The following FRMPD1 variants were observed in gnomAD, a reference collection of about 807,000 sequenced individuals.
FRMPD1 encodes the protein FERM and PDZ domain containing 1, also known as FERM and PDZ domain-containing protein 1.
In FRMPD1, 76 loss-of-function variants were observed where a neutral mutation model predicts 117.8. The ratio of observed to expected loss-of-function variants is 0.65; its 90% CI spans 0.54 to 0.78. FRMPD1 has a LOEUF of 0.78. Ranked by LOEUF, FRMPD1 falls within the 30% of genes least tolerant of loss-of-function variation. The pLI is 0.00. For missense variants in FRMPD1, 1,786 were observed against 1,964.5 expected, an observed-to-expected ratio of 0.91 and a Z score of 1.72; for synonymous variants, 783 against 770.4, an observed-to-expected ratio of 1.02 and a Z score of -0.27.
At chr9:37,679,065 C>T (rs1347696150) in intron 1 of FRMPD1, among the ~76,000 whole-genome samples, 2 of 152,260 alleles carry the variant, frequency 1.3e-5, no homozygotes, top group African/African-American at 4.8e-5. Flanking sequence ...GCAGCCCTCT[C>T]TCATGGTCTT....
At chr9:37,639,082 G>A in the FRMPD1 span, among the ~76,000 whole-genome samples, 22 of 152,178 alleles carry the variant, frequency 1.4e-4, no homozygotes, top group African/African-American at 5.3e-4. Flanking sequence ...TGAAAAAAGT[G>A]CACATACATT....
At chr9:37,730,896 T>C (rs1249919300) in intron 8 of FRMPD1, 88 bp from the exon 9 acceptor site, 1 of 1,330,802 alleles carries the variant, frequency 7.5e-7, no homozygotes, top group South Asian at 1.2e-5. Flanking sequence ...TGTCTTTCAC[T>C]GTCTGTGTTT....
In FRMPD1 at chr9:37,701,263, A is replaced by T. The variant is rs1033967371; in HGVS notation, c.102-6153A>T. ...GGTTTGTTCTTTCTTTTGTTCTCCAAACAATTATTAACCCTACTCTATGGC... is the reference window on the plus strand; with the variant it reads ...GGTTTGTTCTTTCTTTTGTTCTCCATACAATTATTAACCCTACTCTATGGC... On this transcript the variant is annotated intron_variant, in intron 2 of 15. Transcript: ENST00000377765. 9.9e-5 allele frequency among the ~76,000 whole-genome samples: 15 copies of T among 152,188 alleles called. 1 individual carries two copies. The highest frequency in any genetic ancestry group is 9.8e-4 in the Admixed American group (15 of 15,278).
intron 14 of FRMPD1, among the ~76,000 whole-genome samples, chr9:37,737,823 TAAA>T (rs35965958): frequency 1.3e-4 from 14 of 106,300 alleles, no homozygotes; most frequent in Admixed American, 2.0e-4. Flanking sequence ...AACTCCATCT[TAAA>T]AAAAAAAAAA....
chr9:37,746,245 T>G lies in FRMPD1; in HGVS notation c.4213T>G (p.Ser1405Ala), dbSNP rs1824711048. ...AAGCCACATCTGGCCAGAGTACTGCTCCAGGGCACTGAGACAGCTGAAAGC... is the reference window on the plus strand; with the variant it reads ...AAGCCACATCTGGCCAGAGTACTGCGCCAGGGCACTGAGACAGCTGAAAGC... ...RKSHIWPEYCSRALRQLKATP... is the reference protein window; with the variant it reads ...RKSHIWPEYCARALRQLKATP... The change falls in exon 16 of 16, where the codon TCC (serine) becomes GCC (alanine). Residue 1405 changes from serine to alanine, a missense_variant. Coordinates refer to ENST00000377765, the MANE Select transcript of FRMPD1 (RefSeq NM_014907.3). The G allele has an allele frequency of 6.2e-7, 1 of 1,612,906 alleles. No homozygotes were observed. The highest frequency in any genetic ancestry group is 8.5e-7 in the Non-Finnish European group (1 of 1,179,888).
the FRMPD1 span, among the ~76,000 whole-genome samples, chr9:37,604,219 GTT>G: frequency 6.6e-6 from 1 of 152,156 alleles, no homozygotes; most frequent in Non-Finnish European, 1.5e-5. Flanking sequence ...TTATTTCAAA[GTT>G]TACCTTTCCT....
rs562574419 is a variant in FRMPD1, at chr9:37,717,161, CA to C, written c.409-1906del. ...CTATATCCATAGAACCCTGGTCTAC[CA>C]ATATGGACTTCTCTCTTCAAAGGAA... On this transcript the variant is annotated intron_variant, in intron 5 of 15. Coordinates refer to ENST00000377765, the MANE Select transcript of FRMPD1 (RefSeq NM_014907.3). 3.7e-3 allele frequency among the ~76,000 whole-genome samples: 562 copies of C among 151,994 alleles called. 4 individuals are homozygous for C. Among genetic ancestry groups the C allele is most frequent in the African/African-American group, 0.013 (529 of 41,456 alleles).
intron 2 of FRMPD1, among the ~76,000 whole-genome samples, chr9:37,696,447 A>G (rs955118038): frequency 9.2e-5 from 14 of 152,314 alleles, no homozygotes; most frequent in African/African-American, 3.4e-4. Context: ...AGTCCATAGT[A>G]TGTAACGGAC....
chr9:37,741,292 A>G (rs1353232369), intron 15 of FRMPD1, among the ~76,000 whole-genome samples: 1 of 152,052 alleles, frequency 6.6e-6, no homozygotes, highest in Non-Finnish European at 1.5e-5. Flanking sequence ...AGAACCAGAC[A>G]GACAGGCCGT....
intron 1 of FRMPD1, among the ~76,000 whole-genome samples, chr9:37,667,264 C>A (rs898650735): frequency 5.3e-5 from 8 of 150,978 alleles, no homozygotes; most frequent in Non-Finnish European, 1.0e-4. Context: ...CAGGGTCTCA[C>A]CATGTTGGCC....
At chr9:37,709,175 C>T (rs942672760) in intron 4 of FRMPD1, among the ~76,000 whole-genome samples, 1 of 152,044 alleles carries the variant, frequency 6.6e-6, no homozygotes, top group African/African-American at 2.4e-5. Flanking sequence ...ATTTTAAGGG[C>T]ACATGAAGCT....
intron 1 of FRMPD1, among the ~76,000 whole-genome samples, chr9:37,690,157 A>C (rs1227923577): frequency 6.6e-6 from 1 of 152,014 alleles, no homozygotes; most frequent in Non-Finnish European, 1.5e-5. Context: ...CTGGACAGGT[A>C]CTGTACACTT....
At chr9:37,708,580 T>A in intron 4 of FRMPD1, 79 bp downstream of exon 4, 2 of 838,736 alleles carry the variant, frequency 2.4e-6, no homozygotes, top group Non-Finnish European at 4.1e-6. Flanking sequence ...ATGGCATAAC[T>A]GATCCCCTGA....
chr9:37,724,193 CA>C, intron 6 of FRMPD1, 31 bp from the exon 7 acceptor site: 4 of 1,110,654 alleles, frequency 3.6e-6, no homozygotes, highest in South Asian at 1.2e-5. Flanking sequence ...TAAAAAAAGA[CA>C]GGGATACAAC....
At chr9:37,620,469 G>A in the FRMPD1 span, among the ~76,000 whole-genome samples, 2 of 151,910 alleles carry the variant, frequency 1.3e-5, no homozygotes, top group Non-Finnish European at 2.9e-5. Context: ...TCCAGCACCG[G>A]GCATAGAGAA....
At chr9:37,731,673 A>G (rs1386486388) in intron 9 of FRMPD1, among the ~76,000 whole-genome samples, 2 of 152,176 alleles carry the variant, frequency 1.3e-5, no homozygotes, top group African/African-American at 4.8e-5. Context: ...GGAGTTTGAG[A>G]ACAGCTTGGC....
the FRMPD1 span, among the ~76,000 whole-genome samples, chr9:37,643,630 A>G: frequency 2.1e-4 from 32 of 152,242 alleles, no homozygotes; most frequent in Non-Finnish European, 3.7e-4. Flanking sequence ...ATTGATCTCA[A>G]TGTGATTCCT....
the FRMPD1 span, among the ~76,000 whole-genome samples, chr9:37,626,070 T>C: frequency 2.0e-5 from 3 of 152,290 alleles, no homozygotes; most frequent in African/African-American, 7.2e-5. Context: ...CTCATGCCTG[T>C]AATCTCAGCA....
chr9:37,715,486 G>A (rs116948592), intron 5 of FRMPD1, among the ~76,000 whole-genome samples: 3,426 of 152,266 alleles, frequency 0.023, 67 homozygotes, highest in Non-Finnish European at 0.036. Flanking sequence ...GTTTTCCAAC[G>A]TGTCCCTTTT....
Sources: allele counts gnomAD v4.1 joint callset (sites outside exome capture counted in the v4.1 genomes callset), GRCh38; gene constraint gnomAD v4.1.1; transcripts MANE v1.5; gene names NCBI Gene and HGNC (gene_info 2026-07-23, HGNC 2026-07-21).